Variants in PLCL1 observed in about 807,000 individuals in gnomAD.
PLCL1 encodes phospholipase C like 1 (inactive), also known as inactive phospholipase C-like protein 1.
In PLCL1, 41 loss-of-function variants were observed where a neutral mutation model predicts 84.4. That is an observed-to-expected ratio of 0.49 (90% CI 0.38 to 0.63). PLCL1 has a LOEUF of 0.63. Among genes scored for constraint, PLCL1 ranks in the 30% least tolerant of loss-of-function variants. The pLI, the probability that PLCL1 is intolerant of heterozygous loss-of-function variation, is 0.00. For missense variants in PLCL1, 1,206 were observed against 1,367.8 expected, an observed-to-expected ratio of 0.88 and a Z score of 1.87; for synonymous variants, 490 against 488.3, an observed-to-expected ratio of 1.00 and a Z score of -0.05.
chr2:197,847,199 G>C (rs528694789), intron 1 of PLCL1, among the ~76,000 whole-genome samples: 3 of 152,198 alleles, frequency 2.0e-5, no homozygotes, highest in South Asian at 4.1e-4. Context: ...CTCATCCCGG[G>C]GGGGTAATCT....
At chr2:197,971,501 C>A (rs1318460917) in intron 1 of PLCL1, among the ~76,000 whole-genome samples, 1 of 152,176 alleles carries the variant, frequency 6.6e-6, no homozygotes, top group African/African-American at 2.4e-5. Flanking sequence ...TGGACGGATG[C>A]ATACTAGGCT....
At chr2:198,104,076 G>A (rs1441234827) in intron 5 of PLCL1, 140 bp downstream of exon 5, 1 of 480,046 alleles carries the variant, frequency 2.1e-6, no homozygotes, top group Non-Finnish European at 3.7e-6. Flanking sequence ...ACATGTGCAG[G>A]TTTGTTATAT....
intron 1 of PLCL1, among the ~76,000 whole-genome samples, chr2:197,956,730 T>G (rs945627194): frequency 3.3e-5 from 5 of 152,312 alleles, no homozygotes; most frequent in African/African-American, 1.2e-4. Context: ...TTTTGAGAAG[T>G]GTCTGTTCAT....
chr2:197,809,747 T>C (rs1051724223), intron 1 of PLCL1, among the ~76,000 whole-genome samples: 6 of 151,930 alleles, frequency 3.9e-5, no homozygotes, highest in African/African-American at 1.5e-4. Context: ...ACCTGGGTCA[T>C]AGGAATATAT....
chr2:197,957,665 T>C (rs1240414636), intron 1 of PLCL1, among the ~76,000 whole-genome samples: 2 of 152,034 alleles, frequency 1.3e-5, no homozygotes, highest in Admixed American at 6.6e-5. Flanking sequence ...TCGGAGCCTA[T>C]TGGCCTCTGC....
chr2:198,133,526 T>TAA (rs60995329), intron 5 of PLCL1, among the ~76,000 whole-genome samples: 1 of 56,076 alleles, frequency 1.8e-5, no homozygotes, highest in South Asian at 5.6e-4. Context: ...TAAAGTATAA[T>TAA]AAAAAAAAAA....
intron 1 of PLCL1, among the ~76,000 whole-genome samples, chr2:197,977,564 G>A (rs1428118663): frequency 2.0e-5 from 3 of 151,952 alleles, no homozygotes; most frequent in Non-Finnish European, 2.9e-5. Context: ...TGTTTCAAAA[G>A]TGTCTTCCAT....
chr2:197,871,286 C>T (rs1687648382), intron 1 of PLCL1, among the ~76,000 whole-genome samples: 1 of 152,066 alleles, frequency 6.6e-6, no homozygotes, highest in Admixed American at 6.6e-5. Context: ...CCCTAGTCTT[C>T]CCTACATCCC....
At chr2:198,002,833 G>A (rs948979454) in intron 1 of PLCL1, among the ~76,000 whole-genome samples, 3 of 152,106 alleles carry the variant, frequency 2.0e-5, no homozygotes, top group Non-Finnish European at 4.4e-5. Context: ...TACTGCTGTA[G>A]GCCAGCATCA....
chr2:198,097,316 G>A (rs890398443), intron 3 of PLCL1, among the ~76,000 whole-genome samples: 3 of 152,232 alleles, frequency 2.0e-5, no homozygotes, highest in Middle Eastern at 3.4e-3. Context: ...CTTGGTACCA[G>A]GATCTCTAGG....
chr2:197,923,750 C>T (rs1279961241), intron 1 of PLCL1, among the ~76,000 whole-genome samples: 13 of 151,684 alleles, frequency 8.6e-5, no homozygotes, highest in African/African-American at 2.2e-4. Context: ...ACTTCCCAGA[C>T]GGGGTGGCGG....
chr2:198,076,823 A>T (rs1271131322), intron 1 of PLCL1, among the ~76,000 whole-genome samples: 1 of 152,210 alleles, frequency 6.6e-6, no homozygotes, highest in East Asian at 1.9e-4. Flanking sequence ...CTGAAACTTG[A>T]AGGCAACAGA....
At chr2:197,894,628 G>A (rs1025314665) in intron 1 of PLCL1, among the ~76,000 whole-genome samples, 5 of 151,928 alleles carry the variant, frequency 3.3e-5, no homozygotes, top group Admixed American at 2.6e-4. Flanking sequence ...AACTGTGGCC[G>A]CTTGTCTTAA....
chr2:197,809,209 C>T (rs1023636499), intron 1 of PLCL1, among the ~76,000 whole-genome samples: 2 of 152,112 alleles, frequency 1.3e-5, no homozygotes, highest in Admixed American at 6.5e-5. Context: ...TAGGAGCTTT[C>T]GTACGTTTGT....
At chr2:198,082,729 G>T (rs2105895148) in intron 1 of PLCL1, among the ~76,000 whole-genome samples, 1 of 152,284 alleles carries the variant, frequency 6.6e-6, no homozygotes. Flanking sequence ...AACGGTCCAA[G>T]ACTGAAATGA....
At chr2:197,906,516 T>C (rs1439124019) in intron 1 of PLCL1, among the ~76,000 whole-genome samples, 1 of 152,168 alleles carries the variant, frequency 6.6e-6, no homozygotes, top group Non-Finnish European at 1.5e-5. Context: ...GCTTTGTTCT[T>C]TTTGCTTAGG....
rs149097811 is a variant in PLCL1 at position 197,900,968 on chromosome 2, C to G, written c.240+95629C>G. 1.5e-4 allele frequency among the ~76,000 whole-genome samples: 23 copies of G among 152,220 alleles called. No homozygotes were observed. In the Middle Eastern group the frequency reaches 0.01, roughly 68 times the overall value. On this transcript the variant is annotated intron_variant, in intron 1 of 5. Coordinates refer to ENST00000428675, the MANE Select transcript of PLCL1 (RefSeq NM_006226.4). ...CTTTGTTGCCAGTCTCTCCCTTACT[C>G]AACTTTACTTCCTGGGATTTTGAAA...
At chr2:197,872,500 T>C (rs907755797) in intron 1 of PLCL1, among the ~76,000 whole-genome samples, 14 of 152,126 alleles carry the variant, frequency 9.2e-5, no homozygotes, top group Admixed American at 2.6e-4. Flanking sequence ...TGTACCCTAA[T>C]GGTTAAGGGC....
chr2:198,002,668 A>G (rs1017573639), intron 1 of PLCL1, among the ~76,000 whole-genome samples: 2 of 152,232 alleles, frequency 1.3e-5, no homozygotes, highest in African/African-American at 2.4e-5. Context: ...ATAAACTCAG[A>G]AAAAGCTAAA....
Sources: allele counts gnomAD v4.1 joint callset (sites outside exome capture counted in the v4.1 genomes callset), GRCh38; gene constraint gnomAD v4.1.1; transcripts MANE v1.5; gene names NCBI Gene and HGNC (gene_info 2026-07-23, HGNC 2026-07-21).